MTMR7: variants seen among roughly 807,000 people sequenced by gnomAD.
MTMR7 encodes phosphatidylinositol-3-phosphate phosphatase MTMR7.
In MTMR7, 76 loss-of-function variants were observed where a neutral mutation model predicts 81.2. That is an observed-to-expected ratio of 0.94 (90% CI 0.78 to 1.13). MTMR7 has a LOEUF of 1.13. MTMR7 is among the 50% of genes most tolerant of loss of function. The pLI is 0.00. For missense variants in MTMR7, 1,044 were observed against 820.0 expected, an observed-to-expected ratio of 1.27 and a Z score of -3.34; for synonymous variants, 372 against 289.8, an observed-to-expected ratio of 1.28 and a Z score of -2.88.
intron 1 of MTMR7, among the ~76,000 whole-genome samples, chr8:17,388,697 T>C (rs1485602221): frequency 1.3e-5 from 2 of 151,930 alleles, no homozygotes; most frequent in Non-Finnish European, 2.9e-5. Flanking sequence ...TTGTGCCAAA[T>C]AGAACTTACT....
intron 1 of MTMR7, among the ~76,000 whole-genome samples, chr8:17,407,173 C>G (rs540289333): frequency 6.6e-6 from 1 of 152,006 alleles, no homozygotes; most frequent in African/African-American, 2.4e-5. Flanking sequence ...CACTAAATCA[C>G]CCATTATTAA....
At chr8:17,332,270 A>G (rs545078681) in intron 6 of MTMR7, among the ~76,000 whole-genome samples, 1 of 152,336 alleles carries the variant, frequency 6.6e-6, no homozygotes, top group Admixed American at 6.5e-5. Context: ...GTACTTTTTA[A>G]AAGCTAAAAG....
chr8:17,378,523 A>G (rs1820659713), intron 1 of MTMR7, among the ~76,000 whole-genome samples: 1 of 152,212 alleles, frequency 6.6e-6, no homozygotes, highest in Admixed American at 6.5e-5. Context: ...ACTACAAAGT[A>G]ATAAGGCCAG....
chr8:17,336,073 G>C (rs1394546822), intron 6 of MTMR7, among the ~76,000 whole-genome samples: 1 of 152,182 alleles, frequency 6.6e-6, no homozygotes. Context: ...ACATGAGTTG[G>C]TCACCACTTC....
chr8:17,299,957 A>G lies in MTMR7; in HGVS notation c.1888T>C (p.Leu630=). The G allele has an allele frequency of 1.9e-6, 3 of 1,614,132 alleles. No individual in the cohort carries two copies. The highest frequency in any genetic ancestry group is 2.5e-6 in the Non-Finnish European group (3 of 1,180,010). The part of the protein sequence containing the change: ...NSDQESGVED[L]SCRSPSGGEH... ...CCACCACTTGGAGACCGACAGCTCA[A>G]ATCCTCCACCCCGGACTCTTGGTCA... Residue 630 remains leucine (L), a synonymous_variant, in exon 14 of 14, where the codon TTG becomes CTG. Transcript: ENST00000180173.
At position 17,318,105 on chromosome 8, in the gene MTMR7, A is replaced by G. The variant is rs1033138195; in HGVS notation, c.866-4704T>C. 3.9e-5 allele frequency among the ~76,000 whole-genome samples: 6 copies of G among 152,182 alleles called. No homozygotes were observed. The East Asian group carries it at 1.2e-3, about 29-fold the overall frequency. ...TCATGCACTCAGGATGATGATGGGA[A>G]GCCAGTCTCTGCCTGGACCCTGCAT... is the stretch of plus-strand genomic sequence containing the variant. On this transcript the variant is annotated intron_variant, in intron 7 of 13. Transcript: ENST00000180173.
chr8:17,352,151 A>G (rs771029962), intron 4 of MTMR7, among the ~76,000 whole-genome samples: 4 of 152,258 alleles, frequency 2.6e-5, no homozygotes, highest in Non-Finnish European at 5.9e-5. Context: ...ATTTTGAAAA[A>G]GAACAAAGAG....
intron 1 of MTMR7, among the ~76,000 whole-genome samples, chr8:17,408,287 G>T (rs1045360670): frequency 8.8e-6 from 1 of 113,694 alleles, no homozygotes; most frequent in African/African-American, 2.6e-5. Context: ...TACTTGGGAG[G>T]CTGAGGCAGG....
intron 2 of MTMR7, chr8:17,372,908 G>T (rs1443867169): frequency 3.8e-6 from 2 of 521,230 alleles, no homozygotes; most frequent in East Asian, 7.0e-5. Context: ...TCTCTTCACT[G>T]ATGTTCAAAT....
chr8:17,357,523 C>T (rs1461350572), intron 4 of MTMR7, among the ~76,000 whole-genome samples: 2 of 150,166 alleles, frequency 1.3e-5, no homozygotes, highest in East Asian at 4.1e-4. Flanking sequence ...TAGGCAATTG[C>T]AACTTTAAGC....
intron 8 of MTMR7, among the ~76,000 whole-genome samples, chr8:17,312,220 T>C (rs1172905183): frequency 6.6e-6 from 1 of 152,206 alleles, no homozygotes; most frequent in Admixed American, 6.5e-5. Flanking sequence ...CTGGGAAACA[T>C]GGGAGAGATT....
chr8:17,348,956 G>T lies in MTMR7; in HGVS notation c.594C>A (p.Asn198Lys), dbSNP rs755725314. Residue 198 changes from asparagine (N) to lysine (K), a missense_variant, in exon 5 of 14, where the codon AAC (asparagine) becomes AAA (lysine). Physicochemically the swap from Asn to Lys is moderately conservative, Grantham distance 94. Transcript: ENST00000180173. ...AAAAACACGCCTCGAGACTTACGTG[G>T]TTATCTTTATAATAGTAAGAAAGGA... ...FPVLSYYYKD[N>K]HASICRSSQP... 6.2e-7 allele frequency: 1 copy of T among 1,613,604 alleles called. No individual in the cohort carries two copies. The highest frequency in any genetic ancestry group is 8.5e-7 in the Non-Finnish European group (1 of 1,179,948).
At chr8:17,389,417 G>A (rs1260185126) in intron 1 of MTMR7, among the ~76,000 whole-genome samples, 1 of 152,080 alleles carries the variant, frequency 6.6e-6, no homozygotes. Context: ...TGGGAAGAAA[G>A]GAAAAGAGAC....
rs191251637 is a variant in MTMR7 at position 17,388,609 on chromosome 8, G to T, written c.25-15369C>A. ...TGAATTTGACCTATTTTTGACAAAG[G>T]CACTAACAGCAAAGGACGAAACCAT... On this transcript the variant is annotated intron_variant, in intron 1 of 13. Transcript: ENST00000180173. 2.6e-3 allele frequency among the ~76,000 whole-genome samples: 392 copies of T among 152,240 alleles called. 1 individual carries two copies. Among genetic ancestry groups the T allele is most frequent in the African/African-American group, 8.8e-3 (365 of 41,558 alleles).
chr8:17,360,054 G>A (rs1820013676), intron 4 of MTMR7, among the ~76,000 whole-genome samples: 1 of 152,152 alleles, frequency 6.6e-6, no homozygotes, highest in African/African-American at 2.4e-5. Flanking sequence ...CTAAAAATTA[G>A]AGAGCAGGTA....
intron 6 of MTMR7, 37 bp from the exon 7 acceptor site, chr8:17,331,319 C>T: frequency 1.3e-6 from 2 of 1,542,400 alleles, no homozygotes; most frequent in South Asian, 2.5e-5. Context: ...TCATCAATTA[C>T]ATTGATGAAA....
At chr8:17,399,503 T>C (rs1300184501) in intron 1 of MTMR7, among the ~76,000 whole-genome samples, 1 of 152,152 alleles carries the variant, frequency 6.6e-6, no homozygotes, top group Non-Finnish European at 1.5e-5. Context: ...TGGAAAGATA[T>C]TCCCTGTTCA....
chr8:17,391,273 G>T lies in MTMR7; in HGVS notation c.25-18033C>A, dbSNP rs1291549182. Among the ~76,000 whole-genome samples, 3 of 152,300 alleles carry T rather than the reference G, an allele frequency of 2.0e-5. No homozygotes were observed. In the South Asian group the frequency reaches 6.2e-4, roughly 32 times the overall value. ...CTCTGAGTAGGGTAGGAAGCAACTG[G>T]AAGGTTTACAGGGGGAGGGTGGCAG... On this transcript the variant is annotated intron_variant, in intron 1 of 13. Coordinates refer to ENST00000180173, the MANE Select transcript of MTMR7 (RefSeq NM_004686.5).
chr8:17,302,277 A>T lies in MTMR7; in HGVS notation c.1497T>A (p.Phe499Leu). 3.7e-6 allele frequency: 6 copies of T among 1,612,692 alleles called. No homozygotes were observed. The highest frequency in any genetic ancestry group is 5.1e-6 in the Non-Finnish European group (6 of 1,179,506). ...PTTPCNFMYK[F>L]WSGMYNRFEK... ...CAAAGCGGTTATACATTCCACTCCAAAACCTGGAAAGGATGGCAAAGCGTC... is the reference window on the plus strand; with the variant it reads ...CAAAGCGGTTATACATTCCACTCCATAACCTGGAAAGGATGGCAAAGCGTC... Residue 499 changes from phenylalanine to leucine, a missense_variant, in exon 13 of 14, where the codon TTT becomes TTA. By Grantham distance (22) the Phe-to-Leu change is conservative. Coordinates refer to ENST00000180173, the MANE Select transcript of MTMR7 (RefSeq NM_004686.5).
Sources: gnomAD v4.1 joint callset for allele counts (sites outside exome capture counted in the v4.1 genomes callset) on GRCh38, gnomAD v4.1.1 for gene constraint, MANE v1.5 for transcripts, NCBI Gene and HGNC (gene_info 2026-07-23, HGNC 2026-07-21) for gene names.